The following SMAP1 variants were observed in gnomAD, a reference collection of about 807,000 sequenced individuals.
SMAP1 encodes small ArfGAP 1.
SMAP1 carries 24 observed loss-of-function variants against 58.5 expected under a neutral mutation model. That is an observed-to-expected ratio of 0.41 (90% CI 0.30 to 0.58). The LOEUF (loss-of-function observed/expected upper bound fraction) is 0.58, where lower values mean the gene tolerates loss of function less well. SMAP1 is among the 20% of genes least tolerant of loss of function. The pLI, the probability that SMAP1 is intolerant of heterozygous loss-of-function variation, is 0.29. For synonymous variants in SMAP1, 216 were observed against 196.6 expected (o/e 1.10, Z -0.82); for missense variants, 563 against 566.3 (o/e 0.99, Z 0.06).
At chr6:70,749,336 G>A (rs1268494139) in intron 2 of SMAP1, among the ~76,000 whole-genome samples, 3 of 152,168 alleles carry the variant, frequency 2.0e-5, no homozygotes, top group African/African-American at 7.2e-5. Flanking sequence ...GGTATTACGA[G>A]ATGAGATCTG....
intron 1 of SMAP1, 75 bp downstream of exon 1, chr6:70,668,216 GGGCCCGAGC>G: frequency 7.5e-7 from 1 of 1,336,590 alleles, no homozygotes; most frequent in South Asian, 1.3e-5. Flanking sequence ...GCGGCGCTCG[GGGCCCGAGC>G]GGACGCCTCG....
intron 3 of SMAP1, among the ~76,000 whole-genome samples, chr6:70,766,684 C>G (rs1767003366): frequency 6.6e-6 from 1 of 152,082 alleles, no homozygotes; most frequent in Non-Finnish European, 1.5e-5. Flanking sequence ...AATTTTCTCC[C>G]ATTTTGTAGG....
At chr6:70,852,874 T>C (rs1334917404) in intron 8 of SMAP1, among the ~76,000 whole-genome samples, 2 of 152,232 alleles carry the variant, frequency 1.3e-5, no homozygotes, top group Non-Finnish European at 2.9e-5. Flanking sequence ...GTTTAGGTAC[T>C]GTATGTGGCT....
intron 2 of SMAP1, among the ~76,000 whole-genome samples, chr6:70,735,505 C>T (rs186771498): frequency 2.0e-5 from 3 of 152,272 alleles, no homozygotes; most frequent in East Asian, 1.9e-4. Context: ...AGGCCAGGAG[C>T]GGTGGCTCAC....
intron 7 of SMAP1, among the ~76,000 whole-genome samples, chr6:70,843,153 C>T (rs951097476): frequency 6.8e-6 from 1 of 147,368 alleles, no homozygotes; most frequent in Non-Finnish European, 1.5e-5. Context: ...CCCACACACA[C>T]TCCCCCCCCC....
At chr6:70,816,169 C>A (rs1012389751) in intron 6 of SMAP1, among the ~76,000 whole-genome samples, 4 of 151,972 alleles carry the variant, frequency 2.6e-5, no homozygotes, top group Non-Finnish European at 4.4e-5. Flanking sequence ...GAGAGAGCAA[C>A]AGGCAGAGAG....
chr6:70,858,291 T>C, intron 10 of SMAP1, 62 bp downstream of exon 10: 1 of 758,824 alleles, frequency 1.3e-6, no homozygotes, highest in Non-Finnish European at 1.7e-6. Context: ...CTAAATCTTT[T>C]TTTTTTTTTT....
chr6:70,741,912 C>T (rs143887040), intron 2 of SMAP1, among the ~76,000 whole-genome samples: 128 of 152,352 alleles, frequency 8.4e-4, no homozygotes, highest in Admixed American at 2.3e-3. Context: ...GGGGCTTACA[C>T]CCTCTGGAGC....
chr6:70,816,805 CTG>C (rs1484064628), intron 6 of SMAP1, among the ~76,000 whole-genome samples: 1 of 152,120 alleles, frequency 6.6e-6, no homozygotes, highest in Admixed American at 6.5e-5. Context: ...TTTGCCAACT[CTG>C]TATTTTATCT....
intron 1 of SMAP1, among the ~76,000 whole-genome samples, chr6:70,683,146 T>C (rs966940385): frequency 2.6e-5 from 4 of 151,876 alleles, no homozygotes; most frequent in African/African-American, 9.7e-5. Context: ...TGCATTTTCT[T>C]GATACTCTTA....
At chr6:70,718,064 G>T (rs1356945370) in intron 1 of SMAP1, among the ~76,000 whole-genome samples, 1 of 151,942 alleles carries the variant, frequency 6.6e-6, no homozygotes, top group African/African-American at 2.4e-5. Flanking sequence ...AGCTCCACAA[G>T]CTCCCCTTCC....
chr6:70,798,684 A>C lies in SMAP1; in HGVS notation c.523A>C (p.Lys175Gln), dbSNP rs758901022. Residue 175 changes from lysine (K) to glutamine (Q), a missense_variant, in exon 6 of 11, where the codon AAA (lysine) becomes CAA (glutamine). Coordinates refer to ENST00000370455, the MANE Select transcript of SMAP1 (RefSeq NM_001044305.3). The stretch of plus-strand genomic sequence containing the variant: ...AGAAAAGGAAAAAAAAAAGGAAGAG[A>C]AAAAGAGAGAAAAGGAGCCAGAAAA... ...EKEKEKKKEE[K>Q]KREKEPEKPA... is the part of the protein sequence containing the mutation. 31 of 1,550,100 alleles carry C rather than the reference A, an allele frequency of 2.0e-5. No homozygotes were observed. Among genetic ancestry groups the C allele is most frequent in the Non-Finnish European group, 2.7e-5 (31 of 1,149,008 alleles).
rs146937099 is a variant in SMAP1 at position 70,860,316 on chromosome 6, C to T, written c.1386C>T (p.Ser462=). 1.2e-6 allele frequency: 2 copies of T among 1,610,332 alleles called. No individual in the cohort carries two copies. The highest frequency in any genetic ancestry group is 1.3e-5 in the African/African-American group (1 of 74,868). ...WSGSSSGQTL[S]TQLWK is the part of the protein sequence containing the mutation. ...GAAGCTCATCAGGTCAGACTCTCAG[C>T]ACACAACTGTGGAAATGAAAACTGC... is the stretch of plus-strand genomic sequence containing the variant. Residue 462 remains serine, a synonymous_variant, in exon 11 of 11, where the codon AGC becomes AGT. Transcript: ENST00000370455.
chr6:70,695,186 G>A (rs1325862492), intron 1 of SMAP1, among the ~76,000 whole-genome samples: 2 of 151,930 alleles, frequency 1.3e-5, no homozygotes, highest in Non-Finnish European at 2.9e-5. Flanking sequence ...TTTTTGGTAG[G>A]GTCTTTAGTT....
At chr6:70,815,774 A>G (rs2149975625) in intron 6 of SMAP1, among the ~76,000 whole-genome samples, 1 of 152,220 alleles carries the variant, frequency 6.6e-6, no homozygotes, top group East Asian at 1.9e-4. Flanking sequence ...TTAAGTTTAC[A>G]TAGACATATG....
intron 4 of SMAP1, among the ~76,000 whole-genome samples, chr6:70,779,806 G>C (rs1050662843): frequency 1.3e-5 from 2 of 152,152 alleles, no homozygotes; most frequent in African/African-American, 2.4e-5. Context: ...AATGTTTTGC[G>C]TGATGATCTG....
At chr6:70,759,804 G>A (rs1482086080) in intron 3 of SMAP1, 1 of 409,000 alleles carries the variant, frequency 2.4e-6, no homozygotes, top group Non-Finnish European at 4.9e-6. Flanking sequence ...GTCTATATTG[G>A]TAAATCCTTG....
At chr6:70,819,365 A>C (rs1023987522) in intron 6 of SMAP1, among the ~76,000 whole-genome samples, 34 of 151,876 alleles carry the variant, frequency 2.2e-4, no homozygotes, top group Non-Finnish European at 1.3e-4. Context: ...TATATGTTAG[A>C]ACTTAATACA....
chr6:70,731,637 T>A (rs952969308), intron 1 of SMAP1, among the ~76,000 whole-genome samples: 5 of 152,250 alleles, frequency 3.3e-5, no homozygotes, highest in African/African-American at 1.2e-4. Context: ...ATTTTACATA[T>A]TTTTCAATTT....
Sources: allele counts gnomAD v4.1 joint callset (sites outside exome capture counted in the v4.1 genomes callset), GRCh38; gene constraint gnomAD v4.1.1; transcripts MANE v1.5; gene names NCBI Gene and HGNC (gene_info 2026-07-23, HGNC 2026-07-21).